The following PDE5A variants were observed in gnomAD, a reference collection of about 807,000 sequenced individuals.
PDE5A encodes the protein cGMP-specific 3',5'-cyclic phosphodiesterase.
Under a neutral mutation model 110.2 loss-of-function variants are expected in PDE5A, and 67 were observed. The observed-to-expected ratio is 0.61, with a 90% CI of 0.50 to 0.75. The LOEUF is 0.75. PDE5A is among the 30% of genes least tolerant of loss of function. The probability of loss-of-function intolerance (pLI) is 0.00; values close to 1 mark genes in which losing one functional copy is unlikely to be tolerated. For missense variants in PDE5A, 862 were observed against 1,045.1 expected, an observed-to-expected ratio of 0.82 and a Z score of 2.42; for synonymous variants, 328 against 351.2, an observed-to-expected ratio of 0.93 and a Z score of 0.74.
At chr4:119,505,215 C>A (rs911823824) in intron 17 of PDE5A, among the ~76,000 whole-genome samples, 1 of 151,890 alleles carries the variant, frequency 6.6e-6, no homozygotes, top group Non-Finnish European at 1.5e-5. Flanking sequence ...TAATTCTCTA[C>A]ATTGAACTCT....
chr4:119,547,862 TTC>T, intron 9 of PDE5A, among the ~76,000 whole-genome samples: 1 of 152,156 alleles, frequency 6.6e-6, no homozygotes, highest in South Asian at 2.1e-4. Context: ...AATATTTGAT[TTC>T]TGACATATAT....
At chr4:119,555,563 G>A (rs1336673352) in intron 7 of PDE5A, among the ~76,000 whole-genome samples, 1 of 152,014 alleles carries the variant, frequency 6.6e-6, no homozygotes, top group African/African-American at 2.4e-5. Flanking sequence ...GGAGAATGAA[G>A]TATATTGGAG....
chr4:119,511,171 GT>G, intron 14 of PDE5A, 37 bp from the exon 15 acceptor site: 2 of 1,327,938 alleles, frequency 1.5e-6, no homozygotes, highest in Non-Finnish European at 2.2e-6. Flanking sequence ...AAAAAGATCA[GT>G]TTCCTTAATA....
At chr4:119,511,882 A>C (rs983099890) in intron 14 of PDE5A, among the ~76,000 whole-genome samples, 15 of 152,122 alleles carry the variant, frequency 9.9e-5, no homozygotes, top group Admixed American at 9.8e-4. Context: ...TTAAAGCACG[A>C]CAAGCACAAT....
chr4:119,502,604 T>TTCTC lies in PDE5A; in HGVS notation c.2379_2382dup (p.Lys795GlufsTer10). On this transcript the variant is annotated frameshift_variant, in exon 19 of 21. Coordinates refer to ENST00000354960, the MANE Select transcript of PDE5A (RefSeq NM_001083.4). LOFTEE classifies it high-confidence loss of function. ...ACAGTGGGTTCTATGTTGAGTTCTT[T>TTCTC]TCTCTCTCTGTCTCCTTGATCAAAA... 1 of 1,605,074 alleles carries TTCTC rather than the reference T, an allele frequency of 6.2e-7. No individual in the cohort carries two copies. Among genetic ancestry groups the TTCTC allele is most frequent in the Non-Finnish European group, 8.5e-7 (1 of 1,172,240 alleles).
chr4:119,574,948 G>C (rs1728278141), intron 3 of PDE5A, among the ~76,000 whole-genome samples: 1 of 152,128 alleles, frequency 6.6e-6, no homozygotes, highest in South Asian at 2.1e-4. Flanking sequence ...ATTAAGATCT[G>C]ATGAATGGCT....
In PDE5A at chr4:119,514,884, G is replaced by C. The variant is rs114294514; in HGVS notation, c.2001-3750C>G. Among the ~76,000 whole-genome samples, 1,156 of 152,156 alleles carry C rather than the reference G, an allele frequency of 7.6e-3. 18 individuals carry two copies. The highest frequency in any genetic ancestry group is 0.026 in the African/African-American group (1,097 of 41,500). On this transcript the variant is annotated intron_variant, in intron 14 of 20. Coordinates refer to ENST00000354960, the MANE Select transcript of PDE5A (RefSeq NM_001083.4). ...TATTTTCATTATTCCATTATACAAAGAAGGAAACAGGGACATAGAGAAGTT... is the reference window on the plus strand; with the variant it reads ...TATTTTCATTATTCCATTATACAAACAAGGAAACAGGGACATAGAGAAGTT...
chr4:119,567,837 T>C (rs1578783465), intron 3 of PDE5A, among the ~76,000 whole-genome samples: 2 of 152,290 alleles, frequency 1.3e-5, no homozygotes, highest in African/African-American at 4.8e-5. Context: ...GTTATTACCT[T>C]AGTCCTATAA....
At chr4:119,589,751 T>C (rs1728897882) in intron 3 of PDE5A, among the ~76,000 whole-genome samples, 1 of 152,182 alleles carries the variant, frequency 6.6e-6, no homozygotes, top group Non-Finnish European at 1.5e-5. Context: ...CTTAAGGCAA[T>C]ACAGAGGATG....
At chr4:119,570,682 C>T (rs901647582) in intron 3 of PDE5A, among the ~76,000 whole-genome samples, 2 of 152,174 alleles carry the variant, frequency 1.3e-5, no homozygotes, top group African/African-American at 2.4e-5. Context: ...CAGACATTTA[C>T]TGAGGTCATA....
chr4:119,603,465 G>A (rs12642735), intron 2 of PDE5A, among the ~76,000 whole-genome samples: 120,364 of 152,086 alleles, frequency 0.79, 47,985 homozygotes, highest in East Asian at 0.9. Flanking sequence ...GCATGAGACC[G>A]TGTGTGACTG....
Position 119,567,072 on chromosome 4 carries a change from C to A in PDE5A, c.903+1G>T. 1 of 1,610,164 alleles carries A rather than the reference C, an allele frequency of 6.2e-7. No individual in the cohort carries two copies. The highest frequency in any genetic ancestry group is 2.2e-5 in the East Asian group (1 of 44,774). On this transcript the variant is annotated splice_donor_variant, in intron 4 of 20. Coordinates refer to ENST00000354960, the MANE Select transcript of PDE5A (RefSeq NM_001083.4). LOFTEE classifies it high-confidence loss of function. ...CTCATGTCTGACACAAGTTTTGGTA[C>A]CTTTTCATCTTTTTCAGTAAATGTC...
At position 119,628,531 on chromosome 4, in the gene PDE5A, T is replaced by C. The variant is rs1443095317; in HGVS notation, c.141A>G (p.Arg47=). Residue 47 remains arginine (R), a synonymous_variant, in exon 1 of 21, where the codon AGA becomes AGG. Coordinates refer to ENST00000354960, the MANE Select transcript of PDE5A (RefSeq NM_001083.4). ...GGTCCTCTTCTTACCTGGTGGCTTT[T>C]CTAACAAAGTATGAGAAGGTAAAGT... The part of the protein sequence containing the change: ...HWDFTFSYFV[R]KATREMVNAW... 1 of 1,581,304 alleles carries C rather than the reference T, an allele frequency of 6.3e-7. No homozygotes were observed. Among genetic ancestry groups the C allele is most frequent in the East Asian group, 2.3e-5 (1 of 44,232 alleles).
intron 7 of PDE5A, among the ~76,000 whole-genome samples, chr4:119,558,671 AT>A (rs1313193415): frequency 2.0e-5 from 3 of 152,180 alleles, no homozygotes; most frequent in South Asian, 4.1e-4. Context: ...AATAAAAAAA[AT>A]CTCAGAGGCC....
intron 11 of PDE5A, among the ~76,000 whole-genome samples, chr4:119,530,878 T>C (rs554036461): frequency 2.0e-3 from 301 of 152,256 alleles, no homozygotes; most frequent in Middle Eastern, 3.4e-3. Flanking sequence ...CCTTTTTCTC[T>C]TAAAGTTCAA....
intron 7 of PDE5A, among the ~76,000 whole-genome samples, chr4:119,558,579 C>T (rs1038775268): frequency 6.6e-6 from 1 of 151,988 alleles, no homozygotes; most frequent in Admixed American, 6.6e-5. Flanking sequence ...TAGTTTTGCC[C>T]TTTTTCAAAA....
At chr4:119,566,160 G>A (rs1368021879) in intron 4 of PDE5A, among the ~76,000 whole-genome samples, 1 of 151,928 alleles carries the variant, frequency 6.6e-6, no homozygotes, top group African/African-American at 2.4e-5. Context: ...ATATTCTCAA[G>A]TGCCATGAAC....
chr4:119,607,311 C>T lies in PDE5A; in HGVS notation c.153-14G>A, dbSNP rs148350752. ...TTGACCATTTCTCTGCAGAACAGAACGTGCAGACACATTAGATACTTGAAG... is the reference window on the plus strand; with the variant it reads ...TTGACCATTTCTCTGCAGAACAGAATGTGCAGACACATTAGATACTTGAAG... On this transcript the variant is annotated splice_polypyrimidine_tract_variant and intron_variant, in intron 1 of 20. Transcript: ENST00000354960. 9,588 of 1,552,418 alleles carry T rather than the reference C, an allele frequency of 6.2e-3. 58 individuals carry two copies. The highest frequency in any genetic ancestry group is 8.3e-3 in the South Asian group (740 of 89,046).
At chr4:119,611,338 C>T (rs1182126413) in intron 1 of PDE5A, among the ~76,000 whole-genome samples, 1 of 152,194 alleles carries the variant, frequency 6.6e-6, no homozygotes, top group African/African-American at 2.4e-5. Flanking sequence ...TTAATGCTTA[C>T]CACATACAGT....
Sources: allele counts gnomAD v4.1 joint callset (sites outside exome capture counted in the v4.1 genomes callset), GRCh38; gene constraint gnomAD v4.1.1; transcripts MANE v1.5; gene names NCBI Gene and HGNC (gene_info 2026-07-23, HGNC 2026-07-21).